The following TENM3 variants were observed in gnomAD, a reference collection of about 807,000 sequenced individuals.
The protein encoded by TENM3 is teneurin transmembrane protein 3.
A neutral mutation model predicts 255.1 loss-of-function variants in TENM3; 63 were observed. The ratio of observed to expected loss-of-function variants is 0.25; its 90% CI spans 0.20 to 0.30. TENM3 has a LOEUF of 0.30. Among genes scored for constraint, TENM3 ranks in the 10% least tolerant of loss-of-function variants. TENM3 has a pLI of 1.00. For missense variants in TENM3, 2,929 were observed against 3,461.1 expected, an observed-to-expected ratio of 0.85 and a Z score of 3.86; for synonymous variants, 1,306 against 1,322.3, an observed-to-expected ratio of 0.99 and a Z score of 0.27.
At chr4:181,512,046 G>A in the TENM3 span, among the ~76,000 whole-genome samples, 2 of 152,002 alleles carry the variant, frequency 1.3e-5, no homozygotes, top group Admixed American at 1.3e-4. Flanking sequence ...TCCTACAAAG[G>A]CCTGTCCACA....
the TENM3 span, among the ~76,000 whole-genome samples, chr4:181,716,249 C>T: frequency 1.1e-3 from 171 of 152,054 alleles, no homozygotes; most frequent in African/African-American, 3.9e-3. Flanking sequence ...TAAAAAGAAA[C>T]CAATTTTAAT....
intron 3 of TENM3, among the ~76,000 whole-genome samples, chr4:182,361,244 A>G (rs1765954297): frequency 6.6e-6 from 1 of 151,928 alleles, no homozygotes; most frequent in Admixed American, 6.6e-5. Context: ...CGTTCTCTGT[A>G]TTTCCTGAAT....
At chr4:181,641,758 G>GTATA in the TENM3 span, among the ~76,000 whole-genome samples, 2 of 101,904 alleles carry the variant, frequency 2.0e-5, no homozygotes, top group East Asian at 2.8e-4. Flanking sequence ...ACCATGGTGT[G>GTATA]TATATATATA....
intron 1 of TENM3, among the ~76,000 whole-genome samples, chr4:182,316,107 G>A (rs1762735399): frequency 6.6e-6 from 1 of 152,016 alleles, no homozygotes; most frequent in Admixed American, 6.6e-5. Context: ...TGCATACCTG[G>A]TAATTTTTTA....
intron 3 of TENM3, among the ~76,000 whole-genome samples, chr4:182,497,571 A>G (rs992921021): frequency 6.6e-5 from 10 of 152,272 alleles, no homozygotes; most frequent in Admixed American, 1.3e-4. Flanking sequence ...TACAACTGGC[A>G]GTTTTCCTCA....
chr4:182,515,333 A>G (rs1737828626), intron 3 of TENM3, among the ~76,000 whole-genome samples: 1 of 152,228 alleles, frequency 6.6e-6, no homozygotes. Flanking sequence ...CATGTTAAAG[A>G]CAGAATAATT....
At chr4:181,943,511 G>A in the TENM3 span, among the ~76,000 whole-genome samples, 1 of 152,156 alleles carries the variant, frequency 6.6e-6, no homozygotes, top group Non-Finnish European at 1.5e-5. Flanking sequence ...GATTGTGGTG[G>A]ATGAATGTTC....
At chr4:181,948,905 G>C in the TENM3 span, among the ~76,000 whole-genome samples, 1 of 152,076 alleles carries the variant, frequency 6.6e-6, no homozygotes, top group African/African-American at 2.4e-5. Flanking sequence ...TAATCAGCTA[G>C]TATGCAGTAG....
At chr4:181,778,050 C>T in the TENM3 span, among the ~76,000 whole-genome samples, 1 of 152,030 alleles carries the variant, frequency 6.6e-6, no homozygotes, top group Non-Finnish European at 1.5e-5. Flanking sequence ...AGGATTCATA[C>T]CAGAGGGAGA....
At chr4:181,514,367 A>G in the TENM3 span, among the ~76,000 whole-genome samples, 2 of 152,214 alleles carry the variant, frequency 1.3e-5, no homozygotes, top group Admixed American at 6.5e-5. Context: ...GTGTGGAGGA[A>G]AGGTTGTCAT....
At chr4:182,489,414 A>G (rs1018648033) in intron 3 of TENM3, among the ~76,000 whole-genome samples, 26 of 152,272 alleles carry the variant, frequency 1.7e-4, no homozygotes, top group African/African-American at 6.3e-4. Flanking sequence ...GTATCTTTTT[A>G]GGAACAGTGA....
chr4:182,691,619 G>A (rs1757013292), intron 12 of TENM3, among the ~76,000 whole-genome samples: 1 of 152,234 alleles, frequency 6.6e-6, no homozygotes, highest in East Asian at 1.9e-4. Flanking sequence ...CATGTGTTCA[G>A]CAAATTAGGC....
intron 12 of TENM3, among the ~76,000 whole-genome samples, chr4:182,689,028 A>G (rs2152577304): frequency 6.6e-6 from 1 of 152,348 alleles, no homozygotes; most frequent in Admixed American, 6.5e-5. Flanking sequence ...ATACAAAAGT[A>G]TCCAAAACAT....
chr4:182,310,619 C>T (rs368184052), intron 1 of TENM3, among the ~76,000 whole-genome samples: 4 of 151,862 alleles, frequency 2.6e-5, no homozygotes, highest in African/African-American at 4.8e-5. Context: ...CTGGACCCCA[C>T]GACTGGGGTC....
At chr4:182,253,072 A>G (rs960578171) in intron 1 of TENM3, among the ~76,000 whole-genome samples, 2 of 152,258 alleles carry the variant, frequency 1.3e-5, no homozygotes, top group African/African-American at 4.8e-5. Context: ...GTTTTAAACA[A>G]TAGAGGCTTT....
At chr4:181,592,946 G>T in the TENM3 span, among the ~76,000 whole-genome samples, 15 of 151,410 alleles carry the variant, frequency 9.9e-5, no homozygotes, top group African/African-American at 3.7e-4. Context: ...GAACACAAAA[G>T]AAATTATGGG....
the TENM3 span, among the ~76,000 whole-genome samples, chr4:181,896,643 C>A: frequency 6.6e-6 from 1 of 152,172 alleles, no homozygotes; most frequent in Non-Finnish European, 1.5e-5. Context: ...TCACAAAAAA[C>A]GGAGGCATGC....
intron 1 of TENM3, among the ~76,000 whole-genome samples, chr4:182,322,830 G>C (rs558385363): frequency 6.6e-6 from 1 of 152,060 alleles, no homozygotes; most frequent in Non-Finnish European, 1.5e-5. Flanking sequence ...CAGCGGTCAC[G>C]GCCAAAGGAT....
the TENM3 span, among the ~76,000 whole-genome samples, chr4:182,077,097 GTA>G: frequency 6.6e-6 from 1 of 152,108 alleles, no homozygotes; most frequent in African/African-American, 2.4e-5. Flanking sequence ...TGGTATCCAG[GTA>G]TCTCCTCATA....
Sources: allele counts gnomAD v4.1 joint callset (sites outside exome capture counted in the v4.1 genomes callset), GRCh38; gene constraint gnomAD v4.1.1; transcripts MANE v1.5; gene names NCBI Gene and HGNC (gene_info 2026-07-23, HGNC 2026-07-21).